The following SPAG16 variants were observed in gnomAD, a reference collection of about 807,000 sequenced individuals.
SPAG16 encodes sperm associated antigen 16.
A neutral mutation model predicts 80.4 loss-of-function variants in SPAG16; 86 were observed. That is an observed-to-expected ratio of 1.07 (90% CI 0.90 to 1.28). The LOEUF is 1.28. Ranked by LOEUF, SPAG16 falls within the 50% of genes most tolerant of loss-of-function variation. SPAG16 has a pLI of 0.00. For synonymous variants in SPAG16, 294 were observed against 265.9 expected, an observed-to-expected ratio of 1.11 and a Z score of -1.03; for missense variants, 870 against 765.3, an observed-to-expected ratio of 1.14 and a Z score of -1.61.
At chr2:213,373,610 A>G (rs1339261936) in intron 8 of SPAG16, among the ~76,000 whole-genome samples, 1 of 152,110 alleles carries the variant, frequency 6.6e-6, no homozygotes, top group Non-Finnish European at 1.5e-5. Context: ...GGCCTTTAGC[A>G]ATGTCTTGCA....
intron 15 of SPAG16, among the ~76,000 whole-genome samples, chr2:214,190,894 G>A (rs372349930): frequency 2.4e-4 from 37 of 152,248 alleles, no homozygotes; most frequent in South Asian, 2.3e-3. Flanking sequence ...GCTAATTGGC[G>A]TATGGTACTT....
intron 10 of SPAG16, among the ~76,000 whole-genome samples, chr2:213,628,809 A>G (rs2062045262): frequency 6.6e-6 from 1 of 152,158 alleles, no homozygotes; most frequent in African/African-American, 2.4e-5. Context: ...AATTTATCTC[A>G]CCAATAAGGA....
chr2:214,341,387 C>G (rs886214889), intron 15 of SPAG16, among the ~76,000 whole-genome samples: 4 of 152,064 alleles, frequency 2.6e-5, no homozygotes, highest in South Asian at 2.1e-4. Context: ...AATACCCAAG[C>G]CTTTAGATTC....
chr2:214,019,192 A>C (rs1232366334), intron 13 of SPAG16, among the ~76,000 whole-genome samples: 1 of 152,220 alleles, frequency 6.6e-6, no homozygotes, highest in Non-Finnish European at 1.5e-5. Context: ...GAAAAGGCTC[A>C]ATGTACATAC....
intron 10 of SPAG16, among the ~76,000 whole-genome samples, chr2:213,678,463 A>G (rs2064212725): frequency 6.6e-6 from 1 of 152,190 alleles, no homozygotes; most frequent in Admixed American, 6.6e-5. Context: ...CAGAAATACA[A>G]ACTACCATCA....
chr2:213,397,977 T>A (rs1423245293), intron 9 of SPAG16, among the ~76,000 whole-genome samples: 1 of 152,148 alleles, frequency 6.6e-6, no homozygotes, highest in Admixed American at 6.6e-5. Context: ...TATCTCCCCT[T>A]CCATGTTCTC....
At chr2:214,138,035 T>C (rs903600521) in intron 14 of SPAG16, among the ~76,000 whole-genome samples, 1 of 152,146 alleles carries the variant, frequency 6.6e-6, no homozygotes, top group Non-Finnish European at 1.5e-5. Flanking sequence ...GCCTTTTTAT[T>C]CTTTTCTGGG....
At chr2:213,958,288 G>A (rs1343231491) in intron 12 of SPAG16, among the ~76,000 whole-genome samples, 49 of 152,076 alleles carry the variant, frequency 3.2e-4, no homozygotes, top group Non-Finnish European at 2.9e-5. Context: ...CAGTCCATGT[G>A]GTATATGGGA....
intron 13 of SPAG16, among the ~76,000 whole-genome samples, chr2:214,088,182 A>G (rs1470327991): frequency 1.3e-5 from 2 of 152,224 alleles, no homozygotes; most frequent in Admixed American, 6.6e-5. Context: ...AAGCACTCAC[A>G]TTGTGCAAAG....
intron 10 of SPAG16, among the ~76,000 whole-genome samples, chr2:213,765,472 CA>C (rs1408634110): frequency 6.6e-6 from 1 of 152,162 alleles, no homozygotes; most frequent in Non-Finnish European, 1.5e-5. Context: ...AGCAGATTCC[CA>C]ATTATGGAAT....
At chr2:213,301,627 C>A (rs1468596402) in intron 3 of SPAG16, among the ~76,000 whole-genome samples, 1 of 152,124 alleles carries the variant, frequency 6.6e-6, no homozygotes, top group Non-Finnish European at 1.5e-5. Flanking sequence ...CTTTTCTCAT[C>A]TGAGCTACAG....
At chr2:213,483,849 T>G (rs1341387075) in intron 9 of SPAG16, among the ~76,000 whole-genome samples, 1 of 152,238 alleles carries the variant, frequency 6.6e-6, no homozygotes, top group Non-Finnish European at 1.5e-5. Flanking sequence ...GGGTTAGCCT[T>G]TAATTGTATT....
At chr2:213,647,553 C>A (rs1355187111) in intron 10 of SPAG16, among the ~76,000 whole-genome samples, 1 of 152,140 alleles carries the variant, frequency 6.6e-6, no homozygotes, top group African/African-American at 2.4e-5. Flanking sequence ...TCACAACAGG[C>A]AGATTAGAAG....
chr2:214,207,225 A>G (rs1225860086), intron 15 of SPAG16, among the ~76,000 whole-genome samples: 1 of 152,176 alleles, frequency 6.6e-6, no homozygotes, highest in Non-Finnish European at 1.5e-5. Flanking sequence ...CTGATTCTCA[A>G]CATCAGGTAG....
rs374274176 is a variant in SPAG16, at chr2:213,980,725, T to TATAGAGAG, written c.1401-33225_1401-33224insTAGAGAGA. On this transcript the variant is annotated intron_variant, in intron 12 of 15. Coordinates refer to ENST00000331683, the MANE Select transcript of SPAG16 (RefSeq NM_024532.5). ...GTGTGTGTGTGTGTATATATATATA[T>TATAGAGAG]AGAGAGAGAGAGAGAGAGAGAGAGA... Among the ~76,000 whole-genome samples, 854 of 103,960 alleles carry TATAGAGAG rather than the reference T, an allele frequency of 8.2e-3. 20 individuals carry two copies. The highest frequency in any genetic ancestry group is 0.035 in the East Asian group (121 of 3,482). 68.2% of individuals were successfully genotyped at this position (103,960 alleles called of 152,430 possible).
chr2:213,864,404 A>C (rs1380224023), intron 11 of SPAG16, among the ~76,000 whole-genome samples: 1 of 152,110 alleles, frequency 6.6e-6, no homozygotes, highest in Non-Finnish European at 1.5e-5. Flanking sequence ...TTTAAAATCA[A>C]ACCTAAAATA....
intron 15 of SPAG16, among the ~76,000 whole-genome samples, chr2:214,323,770 A>G (rs1041203278): frequency 1.3e-5 from 2 of 152,246 alleles, no homozygotes; most frequent in African/African-American, 4.8e-5. Flanking sequence ...TTTCCTTAAC[A>G]TTTAAAATCC....
intron 1 of SPAG16, among the ~76,000 whole-genome samples, chr2:213,288,187 G>C (rs781375309): frequency 7.2e-5 from 11 of 152,210 alleles, no homozygotes; most frequent in Non-Finnish European, 1.5e-4. Flanking sequence ...CAAAGTGCTG[G>C]GATTACAGAC....
chr2:213,421,181 A>G (rs779623545), intron 9 of SPAG16, among the ~76,000 whole-genome samples: 9 of 152,188 alleles, frequency 5.9e-5, no homozygotes, highest in Non-Finnish European at 1.2e-4. Context: ...CTGCCCCCAC[A>G]GGCTTGGAAG....
Sources: allele counts gnomAD v4.1 joint callset (sites outside exome capture counted in the v4.1 genomes callset), GRCh38; gene constraint gnomAD v4.1.1; transcripts MANE v1.5; gene names NCBI Gene and HGNC (gene_info 2026-07-23, HGNC 2026-07-21).